Variants in ENPP3 observed in about 807,000 individuals in gnomAD.
ENPP3 encodes ectonucleotide pyrophosphatase/phosphodiesterase family member 3.
ENPP3 carries 104 observed loss-of-function variants against 117.8 expected under a neutral mutation model. That is an observed-to-expected ratio of 0.88 (90% confidence interval 0.75 to 1.04). ENPP3 has a LOEUF of 1.04. Among genes scored for constraint, ENPP3 ranks in the 50% least tolerant of loss-of-function variants. The pLI, the probability that ENPP3 is intolerant of heterozygous loss-of-function variation, is 0.00. For missense variants in ENPP3, 1,026 were observed against 1,051.9 expected, an observed-to-expected ratio of 0.98 and a Z score of 0.34; for synonymous variants, 380 against 349.9, an observed-to-expected ratio of 1.09 and a Z score of -0.96.
intron 21 of ENPP3, among the ~76,000 whole-genome samples, chr6:131,736,246 C>T (rs370241681): frequency 6.6e-6 from 1 of 152,200 alleles, no homozygotes; most frequent in South Asian, 2.1e-4. Context: ...GTGGTGTTCC[C>T]TTCAGCAGTC....
chr6:131,724,891 T>C (rs1000868561), intron 19 of ENPP3, among the ~76,000 whole-genome samples: 1 of 151,784 alleles, frequency 6.6e-6, no homozygotes, highest in Admixed American at 6.6e-5. Flanking sequence ...GCAAAATTAA[T>C]TGTGTTTTTT....
chr6:131,729,864 G>A (rs1780238542), intron 20 of ENPP3, among the ~76,000 whole-genome samples: 1 of 151,708 alleles, frequency 6.6e-6, no homozygotes. Flanking sequence ...CAGAAAATGT[G>A]ACTTTTTTTT....
chr6:131,663,433 T>C lies in ENPP3; in HGVS notation c.562+5013T>C, dbSNP rs372229532. On this transcript the variant is annotated intron_variant, in intron 6 of 24. Transcript: ENST00000357639. ...TGGGCATGGTTGCTTATATCTGCAA[T>C]CCTAGCACTTCAGAAGGCCAAGGAA... 9.4e-5 allele frequency among the ~76,000 whole-genome samples: 14 copies of C among 149,452 alleles called. No homozygotes were observed. The East Asian group carries it at 2.8e-3, about 29-fold the overall frequency.
chr6:131,747,019 AT>A lies in ENPP3; in HGVS notation c.*70del. 3 of 844,484 alleles carry A rather than the reference AT, an allele frequency of 3.6e-6. No homozygotes were observed. The highest frequency in any genetic ancestry group is 5.1e-6 in the Non-Finnish European group (3 of 590,110). 52.3% of individuals were successfully genotyped at this position (844,484 alleles called of 1,614,324 possible). A position where few individuals can be genotyped will look rare whatever the true frequency, so the allele number is the denominator to read the frequency against. On this transcript the variant is annotated 3_prime_UTR_variant, in exon 25 of 25. Transcript: ENST00000357639. ...AAGTAATTTTGGCAAAATATAAGTG[AT>A]TTTTTTCTGGAGAATTGTAAAATAA...
At chr6:131,731,481 A>C (rs929024805) in intron 20 of ENPP3, among the ~76,000 whole-genome samples, 5 of 152,196 alleles carry the variant, frequency 3.3e-5, no homozygotes, top group African/African-American at 1.2e-4. Flanking sequence ...GAATCTTATC[A>C]TTCAGCAATA....
intron 2 of ENPP3, among the ~76,000 whole-genome samples, chr6:131,647,882 C>G (rs1397353736): frequency 6.6e-6 from 1 of 151,900 alleles, no homozygotes; most frequent in African/African-American, 2.4e-5. Flanking sequence ...ATCATGTTTC[C>G]CTCCTCAGAA....
Position 131,658,315 on chromosome 6 carries a change from A to C in ENPP3, c.465-8A>C. On this transcript the variant is annotated splice_polypyrimidine_tract_variant and splice_region_variant and intron_variant, in intron 5 of 24. Transcript: ENST00000357639. ...AAACAATGGACAAATTTTGTTTTCC[A>C]TTTTCAGGTTTGACCTGCCACCAGT... 1 of 1,567,902 alleles carries C rather than the reference A, an allele frequency of 6.4e-7. No homozygotes were observed.
chr6:131,734,684 A>T (rs184095777), intron 21 of ENPP3, among the ~76,000 whole-genome samples: 37 of 151,750 alleles, frequency 2.4e-4, no homozygotes, highest in Admixed American at 7.9e-4. Context: ...ATCACCTGAG[A>T]TCAGGAGTTC....
chr6:131,640,722 G>A (rs1418706047), intron 1 of ENPP3, among the ~76,000 whole-genome samples: 1 of 152,130 alleles, frequency 6.6e-6, no homozygotes, highest in Non-Finnish European at 1.5e-5. Flanking sequence ...CAGTATTCAA[G>A]CCCTGTCATC....
intron 14 of ENPP3, among the ~76,000 whole-genome samples, chr6:131,692,237 G>T (rs1779296501): frequency 6.6e-6 from 1 of 152,014 alleles, no homozygotes; most frequent in African/African-American, 2.4e-5. Flanking sequence ...GGTCATGAGG[G>T]AAAGTTCCTT....
At chr6:131,697,204 T>A (rs1048855708) in intron 15 of ENPP3, among the ~76,000 whole-genome samples, 15 of 152,162 alleles carry the variant, frequency 9.9e-5, no homozygotes, top group African/African-American at 3.6e-4. Flanking sequence ...TATGAAGCCA[T>A]CATGTGTACA....
chr6:131,693,135 A>C (rs73552689), intron 14 of ENPP3, among the ~76,000 whole-genome samples: 15,751 of 146,978 alleles, frequency 0.11, 1,969 homozygotes, highest in African/African-American at 0.3. Context: ...ACACACACAC[A>C]CCCCCAGGAA....
rs755770960 is a variant in ENPP3, at chr6:131,722,332, A to C, written c.1673A>C (p.Lys558Thr). ...CCATCCCATGCAGAGGAGGTGTCAA[A>C]GTTTTCTGTTTGTGGCTTTGCTAAT... ...YEPSHAEEVS[K>T]FSVCGFANPL... Residue 558 changes from lysine to threonine, a missense_variant, in exon 18 of 25, where the codon AAG becomes ACG. By Grantham distance (78) the Lys-to-Thr change is moderately conservative. Coordinates refer to ENST00000357639, the MANE Select transcript of ENPP3 (RefSeq NM_005021.5). The C allele has an allele frequency of 6.2e-7, 1 of 1,614,042 alleles. No homozygotes were observed. The highest frequency in any genetic ancestry group is 8.5e-7 in the Non-Finnish European group (1 of 1,179,952).
At chr6:131,719,992 G>T (rs1341673718) in intron 16 of ENPP3, among the ~76,000 whole-genome samples, 1 of 152,142 alleles carries the variant, frequency 6.6e-6, no homozygotes, top group East Asian at 1.9e-4. Flanking sequence ...CCATATTGCA[G>T]AATTATGCTG....
Position 131,675,237 on chromosome 6 carries a change from A to C in ENPP3, c.872+48A>C. On this transcript the variant is annotated intron_variant, in intron 9 of 24. Coordinates refer to ENST00000357639, the MANE Select transcript of ENPP3 (RefSeq NM_005021.5). The stretch of plus-strand genomic sequence containing the variant: ...TCTCCCAGCTAGGCAGAAATGATCA[A>C]GATGTTTTCTGTCTTAATCTTGGTG... 3 of 1,207,400 alleles carry C rather than the reference A, an allele frequency of 2.5e-6. No individual in the cohort carries two copies. The South Asian group carries it at 3.7e-5, about 15-fold the overall frequency. 74.8% of individuals were successfully genotyped at this position (1,207,400 alleles called of 1,614,324 possible).
chr6:131,667,487 G>A (rs1778642204), intron 6 of ENPP3, among the ~76,000 whole-genome samples: 1 of 152,176 alleles, frequency 6.6e-6, no homozygotes. Context: ...GCACACAGGG[G>A]ACTAATAGAT....
chr6:131,676,439 A>G (rs560940689), intron 9 of ENPP3, among the ~76,000 whole-genome samples: 33 of 152,312 alleles, frequency 2.2e-4, no homozygotes, highest in Middle Eastern at 6.8e-3. Context: ...ATGCATATGC[A>G]TACATTTTTA....
chr6:131,682,086 G>A (rs1354661509), intron 11 of ENPP3, among the ~76,000 whole-genome samples: 1 of 152,068 alleles, frequency 6.6e-6, no homozygotes, highest in Non-Finnish European at 1.5e-5. Context: ...ACCTGCCTCA[G>A]CCTCCCAAAG....
At chr6:131,733,933 T>C (rs1780341538) in intron 21 of ENPP3, among the ~76,000 whole-genome samples, 1 of 152,186 alleles carries the variant, frequency 6.6e-6, no homozygotes, top group African/African-American at 2.4e-5. Flanking sequence ...ACAGCAGCTC[T>C]CATCTGGCCC....
Sources: gnomAD v4.1 joint callset for allele counts (sites outside exome capture counted in the v4.1 genomes callset) on GRCh38, gnomAD v4.1.1 for gene constraint, MANE v1.5 for transcripts, NCBI Gene and HGNC (gene_info 2026-07-23, HGNC 2026-07-21) for gene names.